Variants in BAZ2B observed in about 807,000 individuals in gnomAD.
BAZ2B encodes the protein bromodomain adjacent to zinc finger domain protein 2B.
In BAZ2B, 91 loss-of-function variants were observed where a neutral mutation model predicts 246.0. The ratio of observed to expected loss-of-function variants is 0.37; its 90% CI spans 0.31 to 0.44. BAZ2B has a LOEUF of 0.44. Among genes scored for constraint, BAZ2B ranks in the 20% least tolerant of loss-of-function variants. The pLI, the probability that BAZ2B is intolerant of heterozygous loss-of-function variation, is 1.00. For synonymous variants in BAZ2B, 855 were observed against 860.0 expected (o/e 0.99, Z 0.10); for missense variants, 2,332 against 2,533.7 (o/e 0.92, Z 1.71).
chr2:159,624,590 G>A, the BAZ2B span, among the ~76,000 whole-genome samples: 1 of 152,174 alleles, frequency 6.6e-6, no homozygotes. Context: ...GCAGCAGAGG[G>A]GCCTGACTGT....
chr2:159,482,672 T>C (rs1559578650), intron 2 of BAZ2B, among the ~76,000 whole-genome samples: 1 of 152,190 alleles, frequency 6.6e-6, no homozygotes, highest in Non-Finnish European at 1.5e-5. Context: ...ATTGTACCGA[T>C]ATCAATGTGG....
chr2:159,666,926 T>C, the BAZ2B span, among the ~76,000 whole-genome samples: 1 of 150,860 alleles, frequency 6.6e-6, no homozygotes, highest in Non-Finnish European at 1.5e-5. Flanking sequence ...CCAGGGCCTG[T>C]TGGGGGTGGG....
chr2:159,700,304 T>C, the BAZ2B span, among the ~76,000 whole-genome samples: 14 of 152,342 alleles, frequency 9.2e-5, no homozygotes, highest in African/African-American at 3.4e-4. Context: ...AGGTGTACTA[T>C]TTGCATATGA....
chr2:159,382,599 T>A lies in BAZ2B; in HGVS notation c.3965A>T (p.Glu1322Val). 1 of 1,554,690 alleles carries A rather than the reference T, an allele frequency of 6.4e-7. No individual in the cohort carries two copies. Among genetic ancestry groups the A allele is most frequent in the Non-Finnish European group, 8.7e-7 (1 of 1,147,930 alleles). The change falls in exon 25 of 37, where the codon GAA (glutamate) becomes GTA (valine). Residue 1322 changes from glutamate (E) to valine (V), a missense_variant. By Grantham distance (121) the Glu-to-Val change is moderately radical. This residue lies in a region of BAZ2B where 676 missense variants were observed against 668.6 expected (regional missense o/e 1.01). Transcript: ENST00000392783. ...ATCAGTCTTTTTTCCTTTTTTGTCT[T>A]CTTTATCTTCTTCATCCTCATCATC... The part of the protein sequence containing the change: ...DEDDEDEEDK[E>V]DKKGKKTDIC...
At chr2:159,649,427 G>C in the BAZ2B span, among the ~76,000 whole-genome samples, 1 of 152,092 alleles carries the variant, frequency 6.6e-6, no homozygotes, top group Non-Finnish European at 1.5e-5. Context: ...CCACTGATCT[G>C]ACAGGAGGTG....
chr2:159,505,189 T>C (rs1321221429), intron 2 of BAZ2B, among the ~76,000 whole-genome samples: 5 of 152,188 alleles, frequency 3.3e-5, no homozygotes, highest in Admixed American at 6.5e-5. Flanking sequence ...TATATGTAAT[T>C]TCATAGAAGA....
chr2:159,562,769 T>C (rs1053966962), intron 1 of BAZ2B, among the ~76,000 whole-genome samples: 11 of 152,182 alleles, frequency 7.2e-5, no homozygotes, highest in African/African-American at 2.4e-4. Flanking sequence ...TTAAAGCACA[T>C]TGCCTGATTA....
Position 159,478,678 on chromosome 2 carries a change from AGAG to A in BAZ2B, c.39_41del (p.Ser14del). On this transcript the variant is annotated inframe_deletion, in exon 3 of 37. Transcript: ENST00000392783. Reference sequence around the variant, plus strand: ...GTGTCGAAGATGAAGTTGGTGTAGTAGAGGAGGCTGCTGAGGATGGTAACCGTT... The same window carrying A: ...GTGTCGAAGATGAAGTTGGTGTAGTAGAGGCTGCTGAGGATGGTAACCGTT... The A allele has an allele frequency of 6.2e-7, 1 of 1,606,466 alleles. No homozygotes were observed. The highest frequency in any genetic ancestry group is 8.5e-7 in the Non-Finnish European group (1 of 1,175,764).
chr2:159,453,927 G>T, intron 3 of BAZ2B, 126 bp from the exon 4 acceptor site: 1 of 829,390 alleles, frequency 1.2e-6, no homozygotes, highest in Non-Finnish European at 1.7e-6. Context: ...CCCTTTTCCT[G>T]CTGCATTTTC....
chr2:159,439,326 TG>T, intron 6 of BAZ2B, 114 bp from the exon 7 acceptor site: 1 of 985,124 alleles, frequency 1.0e-6, no homozygotes, highest in South Asian at 1.7e-5. Context: ...AAAATGTCAT[TG>T]TAGGAAAAAG....
intron 2 of BAZ2B, among the ~76,000 whole-genome samples, chr2:159,550,890 C>T (rs1231472670): frequency 6.6e-6 from 1 of 152,056 alleles, no homozygotes; most frequent in Non-Finnish European, 1.5e-5. Context: ...GGCTGGAGTA[C>T]AATGGTACAA....
At chr2:159,443,536 A>G (rs1277197493) in intron 6 of BAZ2B, among the ~76,000 whole-genome samples, 1 of 152,180 alleles carries the variant, frequency 6.6e-6, no homozygotes. Flanking sequence ...GTGAAAAAGT[A>G]TAGGATTTTC....
Position 159,400,618 on chromosome 2 carries a change from C to T in BAZ2B, c.2879G>A (p.Arg960Gln), listed in dbSNP as rs768222434. The change falls in exon 17 of 37, where the codon CGA becomes CAA. Residue 960 changes from arginine to glutamine, a missense_variant. By Grantham distance (43) the Arg-to-Gln change is conservative. Transcript: ENST00000392783. ...TTCTACCTCTAGAATTTGCTGAGCT[C>T]GAAGTTCTTTTTCCATTCTGATTTG... ...IQQIRMEKEL[R>Q]AQQILEAKKK... 8 of 1,573,686 alleles carry T rather than the reference C, an allele frequency of 5.1e-6. No homozygotes were observed. Among genetic ancestry groups the T allele is most frequent in the Middle Eastern group, 1.7e-4 (1 of 5,894 alleles).
chr2:159,568,394 T>C (rs1346104446), intron 1 of BAZ2B, among the ~76,000 whole-genome samples: 1 of 152,162 alleles, frequency 6.6e-6, no homozygotes, highest in African/African-American at 2.4e-5. Context: ...GCATGTAATT[T>C]TTTCATCATG....
chr2:159,495,482 C>A (rs1430718279), intron 2 of BAZ2B, among the ~76,000 whole-genome samples: 1 of 26,094 alleles, frequency 3.8e-5, no homozygotes, highest in Non-Finnish European at 6.0e-5. Flanking sequence ...GAGACTCCGT[C>A]TCAAAAAAAA....
At chr2:159,708,585 ATTT>A in the BAZ2B span, among the ~76,000 whole-genome samples, 97 of 143,390 alleles carry the variant, frequency 6.8e-4, no homozygotes, top group Non-Finnish European at 1.3e-3. Context: ...TTATTTCTTT[ATTT>A]ATTTATTTTG....
Position 159,433,033 on chromosome 2 carries a change from T to C in BAZ2B, c.1624A>G (p.Arg542Gly), listed in dbSNP as rs370012724. The C allele has an allele frequency of 8.4e-5, 136 of 1,614,170 alleles. 4 individuals carry two copies. In the Middle Eastern group the frequency reaches 9.2e-3, roughly 110 times the overall value. The change falls in exon 9 of 37, where the codon AGA becomes GGA. Residue 542 changes from arginine (R) to glycine (G), a missense_variant. This residue lies in a region of BAZ2B where 651 missense variants were observed against 650.9 expected (regional missense o/e 1.00). Coordinates refer to ENST00000392783, the MANE Select transcript of BAZ2B (RefSeq NM_013450.4). ...SSPVNLSTSG[R>G]RTPGNQTPVM... ...GGTGTCTGATTGCCAGGGGTTCTTCTCCCACTTGTACTCAGATTTACAGGT... is the reference window on the plus strand; with the variant it reads ...GGTGTCTGATTGCCAGGGGTTCTTCCCCCACTTGTACTCAGATTTACAGGT...
chr2:159,469,066 A>C (rs1201708652), intron 3 of BAZ2B, among the ~76,000 whole-genome samples: 1 of 151,056 alleles, frequency 6.6e-6, no homozygotes, highest in Non-Finnish European at 1.5e-5. Flanking sequence ...AAAAAAAAAA[A>C]AGTAGGGAAA....
chr2:159,463,100 C>T, intron 3 of BAZ2B: 1 of 691,412 alleles, frequency 1.4e-6, no homozygotes, highest in South Asian at 1.6e-5. Flanking sequence ...TGGGCAAATG[C>T]ACGTGCTGCC....
Sources: allele counts gnomAD v4.1 joint callset (sites outside exome capture counted in the v4.1 genomes callset), GRCh38; gene constraint gnomAD v4.1.1; regional missense constraint gnomAD v4.1.1; transcripts MANE v1.5; gene names NCBI Gene and HGNC (gene_info 2026-07-23, HGNC 2026-07-21).